SNTG2: variants seen among roughly 807,000 people sequenced by gnomAD.
SNTG2 encodes the protein syntrophin gamma 2.
SNTG2 carries 74 observed loss-of-function variants against 70.9 expected under a neutral mutation model. The observed-to-expected ratio is 1.04, with a 90% confidence interval of 0.86 to 1.27. The LOEUF (loss-of-function observed/expected upper bound fraction) is 1.27, where lower values mean the gene tolerates loss of function less well. SNTG2 is among the 50% of genes most tolerant of loss of function. The pLI, the probability that SNTG2 is intolerant of heterozygous loss-of-function variation, is 0.00. For synonymous variants in SNTG2, 278 were observed against 273.8 expected (o/e 1.02, Z -0.15); for missense variants, 717 against 690.7 (o/e 1.04, Z -0.43).
In SNTG2 at chr2:970,103, G is replaced by A. The variant is rs535817162; in HGVS notation, c.72+19035G>A. On this transcript the variant is annotated intron_variant, in intron 1 of 16. Transcript: ENST00000308624. ...TTGAATTTTATCAAAAGCCTTTTCT[G>A]CATCTATTGAGATGATCATGTGGTT... Among the ~76,000 whole-genome samples the A allele has an allele frequency of 8.5e-5, 13 of 152,238 alleles. No individual in the cohort carries two copies. The East Asian group carries it at 2.5e-3, about 29-fold the overall frequency.
At chr2:1,085,014 T>C (rs1057297086) in intron 2 of SNTG2, among the ~76,000 whole-genome samples, 2 of 152,180 alleles carry the variant, frequency 1.3e-5, no homozygotes, top group Admixed American at 6.5e-5. Context: ...CCACGGCCTC[T>C]GCGTTCAAGA....
At chr2:1,151,758 T>C (rs548894084) in intron 6 of SNTG2, among the ~76,000 whole-genome samples, 1 of 152,326 alleles carries the variant, frequency 6.6e-6, no homozygotes, top group African/African-American at 2.4e-5. Context: ...CTGGTGACGA[T>C]GCAGATGAGC....
At chr2:1,017,593 G>A (rs902113702) in intron 1 of SNTG2, among the ~76,000 whole-genome samples, 2 of 152,142 alleles carry the variant, frequency 1.3e-5, no homozygotes, top group African/African-American at 4.8e-5. Flanking sequence ...GTATGTACAT[G>A]TATTTATGGT....
At chr2:1,308,458 A>G (rs1197941318) in intron 14 of SNTG2, 36 bp from the exon 15 acceptor site, 2 of 1,529,062 alleles carry the variant, frequency 1.3e-6, no homozygotes, top group Non-Finnish European at 8.9e-7. Flanking sequence ...CAGCATTATT[A>G]AAGAATGTTT....
At chr2:1,228,094 T>C (rs1450717271) in intron 9 of SNTG2, among the ~76,000 whole-genome samples, 1 of 152,168 alleles carries the variant, frequency 6.6e-6, no homozygotes, top group Non-Finnish European at 1.5e-5. Context: ...TGCTGTACCA[T>C]GTCTCAGATC....
At chr2:1,193,613 C>A (rs952820324) in intron 8 of SNTG2, among the ~76,000 whole-genome samples, 7 of 149,432 alleles carry the variant, frequency 4.7e-5, no homozygotes, top group Non-Finnish European at 7.4e-5. Flanking sequence ...GAAAAAAAAA[C>A]ATTTTTATGT....
chr2:1,354,256 G>A (rs1184718045), intron 16 of SNTG2, among the ~76,000 whole-genome samples: 5 of 148,926 alleles, frequency 3.4e-5, no homozygotes, highest in Non-Finnish European at 7.4e-5. Context: ...TCAGGGACTG[G>A]GTGTTCCGTG....
At chr2:1,096,513 G>A (rs536330864) in intron 2 of SNTG2, among the ~76,000 whole-genome samples, 8 of 152,026 alleles carry the variant, frequency 5.3e-5, no homozygotes, top group African/African-American at 1.2e-4. Context: ...TGGTAAACAC[G>A]GTTCTACCCT....
chr2:1,157,264 C>T (rs547448430), intron 6 of SNTG2, among the ~76,000 whole-genome samples: 3 of 152,300 alleles, frequency 2.0e-5, no homozygotes, highest in East Asian at 1.9e-4. Flanking sequence ...CAGGAATCAT[C>T]GAGTCCTGCC....
At position 1,337,506 on chromosome 2, in the gene SNTG2, A is replaced by T. The variant is rs549963954; in HGVS notation, c.1488+21131A>T. On this transcript the variant is annotated intron_variant, in intron 16 of 16. Transcript: ENST00000308624. Reference sequence around the variant, plus strand: ...ATATCTTCCCTAAATAAATATTCAGATTTTTTGCCCATTTTCTTATCAAGT... The same window carrying T: ...ATATCTTCCCTAAATAAATATTCAGTTTTTTTGCCCATTTTCTTATCAAGT... 2.6e-5 allele frequency among the ~76,000 whole-genome samples: 4 copies of T among 152,110 alleles called. No individual in the cohort carries two copies. In the East Asian group the frequency reaches 7.7e-4, roughly 29 times the overall value.
chr2:1,190,024 G>T (rs1417768808), intron 8 of SNTG2, among the ~76,000 whole-genome samples: 2 of 151,878 alleles, frequency 1.3e-5, no homozygotes, highest in African/African-American at 4.8e-5. Context: ...TCTCGGGAAA[G>T]GGAAAGACTG....
intron 8 of SNTG2, among the ~76,000 whole-genome samples, chr2:1,185,523 C>A (rs1672192457): frequency 6.6e-6 from 1 of 152,224 alleles, no homozygotes; most frequent in South Asian, 2.1e-4. Context: ...CCTCTGAAAT[C>A]TAGGCGGAGG....
intron 13 of SNTG2, among the ~76,000 whole-genome samples, chr2:1,262,473 T>G (rs1242371713): frequency 6.6e-6 from 1 of 152,132 alleles, no homozygotes; most frequent in East Asian, 1.9e-4. Flanking sequence ...TCTAGAAAGA[T>G]TCAGGTATCA....
chr2:1,192,464 A>C (rs145870642), intron 8 of SNTG2, among the ~76,000 whole-genome samples: 2 of 152,346 alleles, frequency 1.3e-5, no homozygotes, highest in African/African-American at 4.8e-5. Flanking sequence ...GTGGTGACAC[A>C]GTCGTGTGAT....
intron 9 of SNTG2, among the ~76,000 whole-genome samples, chr2:1,214,280 TG>T (rs1674232817): frequency 6.6e-6 from 1 of 152,230 alleles, no homozygotes; most frequent in Non-Finnish European, 1.5e-5. Context: ...TCTATTTCTT[TG>T]AAAAATATCA....
chr2:1,205,276 T>A (rs562350412), intron 8 of SNTG2, among the ~76,000 whole-genome samples: 28 of 152,362 alleles, frequency 1.8e-4, no homozygotes, highest in Non-Finnish European at 3.5e-4. Flanking sequence ...TGCTTTCATC[T>A]ACTTTTATTC....
chr2:1,062,048 TAACA>T (rs1474301068), intron 1 of SNTG2, among the ~76,000 whole-genome samples: 2 of 152,158 alleles, frequency 1.3e-5, no homozygotes, highest in African/African-American at 4.8e-5. Flanking sequence ...AATATGTTAA[TAACA>T]AACATGAGTG....
intron 16 of SNTG2, among the ~76,000 whole-genome samples, chr2:1,331,945 C>G (rs1659554327): frequency 6.6e-6 from 1 of 152,086 alleles, no homozygotes; most frequent in Non-Finnish European, 1.5e-5. Flanking sequence ...CTGGTGCCTG[C>G]TTGGCTGCCT....
intron 9 of SNTG2, among the ~76,000 whole-genome samples, chr2:1,222,419 CAG>C (rs1375905020): frequency 6.6e-6 from 1 of 152,236 alleles, no homozygotes; most frequent in Non-Finnish European, 1.5e-5. Flanking sequence ...CATAGGCTAT[CAG>C]AGTTTGTGAT....
Sources: allele counts gnomAD v4.1 joint callset (sites outside exome capture counted in the v4.1 genomes callset), GRCh38; gene constraint gnomAD v4.1.1; transcripts MANE v1.5; gene names NCBI Gene and HGNC (gene_info 2026-07-23, HGNC 2026-07-21).